The following CCDC171 variants were observed in gnomAD, a reference collection of about 807,000 sequenced individuals.
CCDC171 encodes the protein coiled-coil domain-containing protein 171.
Under a neutral mutation model 168.2 loss-of-function variants are expected in CCDC171, and 177 were observed. That is an observed-to-expected ratio of 1.05 (90% CI 0.93 to 1.19). The LOEUF (loss-of-function observed/expected upper bound fraction) is 1.19. Ranked by LOEUF, CCDC171 falls within the 50% of genes most tolerant of loss-of-function variation. The pLI, the probability that CCDC171 is intolerant of heterozygous loss-of-function variation, is 0.00. For missense variants in CCDC171, 1,991 were observed against 1,539.0 expected (o/e 1.29, Z -4.91); for synonymous variants, 687 against 540.8 (o/e 1.27, Z -3.75).
intron 3 of CCDC171, among the ~76,000 whole-genome samples, chr9:16,015,066 T>C (rs1832974331): frequency 6.6e-6 from 1 of 152,128 alleles, no homozygotes; most frequent in African/African-American, 2.4e-5. Context: ...TGTATACATA[T>C]GTAACTAACC....
intron 21 of CCDC171, among the ~76,000 whole-genome samples, chr9:15,822,597 C>G (rs940727578): frequency 7.2e-5 from 11 of 152,206 alleles, no homozygotes; most frequent in Non-Finnish European, 1.5e-4. Flanking sequence ...CTCATCATCA[C>G]TGACCATCAG....
At chr9:15,775,511 G>T (rs1420393028) in intron 18 of CCDC171, among the ~76,000 whole-genome samples, 1 of 152,198 alleles carries the variant, frequency 6.6e-6, no homozygotes, top group East Asian at 1.9e-4. Context: ...GTAGAGACAA[G>T]GTTTCACTGT....
intron 7 of CCDC171, among the ~76,000 whole-genome samples, chr9:15,634,835 C>G (rs1473979732): frequency 1.3e-5 from 2 of 152,184 alleles, no homozygotes; most frequent in Admixed American, 1.3e-4. Context: ...TAAGCAACCA[C>G]TACTTTCTGT....
intron 14 of CCDC171, among the ~76,000 whole-genome samples, chr9:15,725,375 A>T (rs956014755): frequency 6.6e-6 from 1 of 152,170 alleles, no homozygotes; most frequent in African/African-American, 2.4e-5. Flanking sequence ...CTTGGATGCT[A>T]ATACTTCTGT....
intron 6 of CCDC171, among the ~76,000 whole-genome samples, chr9:15,619,832 T>G (rs757545798): frequency 1.3e-5 from 2 of 152,192 alleles, no homozygotes; most frequent in Non-Finnish European, 2.9e-5. Context: ...ACTCTCTGGT[T>G]AGGGGCTAAT....
intron 3 of CCDC171, among the ~76,000 whole-genome samples, chr9:15,987,471 A>G (rs754541683): frequency 1.1e-4 from 17 of 152,178 alleles, no homozygotes; most frequent in Non-Finnish European, 1.5e-5. Flanking sequence ...TAAAAAAAAA[A>G]GCATGAAAAA....
At chr9:15,633,336 A>G (rs2045912440) in intron 7 of CCDC171, among the ~76,000 whole-genome samples, 1 of 152,192 alleles carries the variant, frequency 6.6e-6, no homozygotes, top group African/African-American at 2.4e-5. Context: ...GAAAAAAACA[A>G]ACAACCCCAT....
intron 7 of CCDC171, among the ~76,000 whole-genome samples, chr9:15,625,109 G>A (rs1270539581): frequency 1.3e-5 from 2 of 152,160 alleles, no homozygotes; most frequent in South Asian, 2.1e-4. Flanking sequence ...CTGCATAAAT[G>A]TCTTCTTTTG....
At chr9:15,576,113 A>C (rs2040636260) in intron 3 of CCDC171, among the ~76,000 whole-genome samples, 1 of 99,672 alleles carries the variant, frequency 1.0e-5, no homozygotes, top group Non-Finnish European at 2.0e-5. Context: ...AATTATAGCT[A>C]CATATATATC....
Position 15,984,320 on chromosome 9 carries a change from C to T in CCDC171, n.369-36269C>T, listed in dbSNP as rs577185170. Reference sequence around the variant, plus strand: ...TTAAAAGATGATGCTAACTTTGTGCCGGTAATAGTGTCACTGTGGTTAGGT... The same window carrying T: ...TTAAAAGATGATGCTAACTTTGTGCTGGTAATAGTGTCACTGTGGTTAGGT... On this transcript the variant is annotated intron_variant and non_coding_transcript_variant, in intron 3 of 9. Transcript: ENST00000486641. 1.4e-4 allele frequency among the ~76,000 whole-genome samples: 21 copies of T among 152,136 alleles called. No homozygotes were observed. The South Asian group carries it at 1.7e-3, about 12-fold the overall frequency.
intron 7 of CCDC171, among the ~76,000 whole-genome samples, chr9:15,626,958 G>T (rs887689519): frequency 6.6e-6 from 1 of 152,030 alleles, no homozygotes; most frequent in Non-Finnish European, 1.5e-5. Context: ...GACATTTTTT[G>T]GTTTGTAGGC....
chr9:15,705,118 A>ACACACACACACACT (rs1196246808), intron 11 of CCDC171, among the ~76,000 whole-genome samples: 1 of 151,592 alleles, frequency 6.6e-6, no homozygotes, highest in East Asian at 1.9e-4. Context: ...ACACACACAC[A>ACACACACACACACT]CACTCTCACT....
In CCDC171 at chr9:15,593,021, C is replaced by G. The variant is rs1279737304; in HGVS notation, c.544-1020C>G. On this transcript the variant is annotated intron_variant, in intron 5 of 25. Coordinates refer to ENST00000380701, the MANE Select transcript of CCDC171 (RefSeq NM_173550.4). ...TATATCTCCTAATGCTATCCCTCCCCACTCCCCCACCCCACAACAGTCCCC... is the reference window on the plus strand; with the variant it reads ...TATATCTCCTAATGCTATCCCTCCCGACTCCCCCACCCCACAACAGTCCCC... Among the ~76,000 whole-genome samples, 8 of 151,928 alleles carry G rather than the reference C, an allele frequency of 5.3e-5. No homozygotes were observed. In the East Asian group the frequency reaches 1.5e-3, roughly 29 times the overall value.
intron 17 of CCDC171, 122 bp downstream of exon 17, chr9:15,744,899 G>T: frequency 2.3e-6 from 2 of 863,470 alleles, no homozygotes; most frequent in South Asian, 3.6e-5. Context: ...ATATAACATA[G>T]TCTCCATATG....
intron 7 of CCDC171, among the ~76,000 whole-genome samples, chr9:15,651,068 C>G (rs562814827): frequency 2.6e-5 from 4 of 152,040 alleles, no homozygotes; most frequent in East Asian, 1.9e-4. Context: ...TACTCTCTAC[C>G]TCCTTGAGAT....
intron 6 of CCDC171, among the ~76,000 whole-genome samples, chr9:16,029,652 C>T (rs1462444809): frequency 5.9e-5 from 9 of 151,998 alleles, no homozygotes; most frequent in African/African-American, 2.2e-4. Context: ...AGCAGAAGGG[C>T]CTGAAGTATA....
At chr9:15,995,571 G>A (rs1235213719) in intron 3 of CCDC171, among the ~76,000 whole-genome samples, 1 of 152,178 alleles carries the variant, frequency 6.6e-6, no homozygotes, top group Non-Finnish European at 1.5e-5. Context: ...GTCATCAGCT[G>A]TCATCAGTGT....
intron 3 of CCDC171, among the ~76,000 whole-genome samples, chr9:15,578,407 GTATTATTATTATTATTAT>G (rs36232245): frequency 4.8e-4 from 64 of 134,296 alleles, no homozygotes; most frequent in Middle Eastern, 3.6e-3. Context: ...GTTAATTTTT[GTATTATTATTATTATTAT>G]TATTATTATT....
chr9:15,611,248 G>GTA (rs1160120854), intron 6 of CCDC171, among the ~76,000 whole-genome samples: 1 of 152,172 alleles, frequency 6.6e-6, no homozygotes, highest in Admixed American at 6.5e-5. Flanking sequence ...TGTACAGCCT[G>GTA]CAGAACTGTT....
Sources: gnomAD v4.1 joint callset for allele counts (sites outside exome capture counted in the v4.1 genomes callset) on GRCh38, gnomAD v4.1.1 for gene constraint, MANE v1.5 for transcripts, NCBI Gene and HGNC (gene_info 2026-07-23, HGNC 2026-07-21) for gene names.